The following AR variants were observed in gnomAD, a reference collection of about 807,000 sequenced individuals.
AR encodes androgen receptor, also known as dihydrotestosterone receptor.
A neutral mutation model predicts 53.9 loss-of-function variants in AR; 8 were observed. The observed-to-expected ratio is 0.15, with a 90% confidence interval of 0.09 to 0.27. The LOEUF (loss-of-function observed/expected upper bound fraction) is 0.27. Ranked by LOEUF, AR falls within the 10% of genes least tolerant of loss-of-function variation. The pLI is 1.00. For synonymous variants in AR, 359 were observed against 316.4 expected, an observed-to-expected ratio of 1.13 and a Z score of -1.43; for missense variants, 639 against 742.5, an observed-to-expected ratio of 0.86 and a Z score of 1.62.
rs2076175564 is a variant in AR, at chrX:67,730,544, A to G, written c.*6703A>G. Reference sequence around the variant, plus strand: ...CAGGATCGAGTTATTGTTAACAAAGAGACCCAAGAAAAGCTGCTAATGTCC... The same window carrying G: ...CAGGATCGAGTTATTGTTAACAAAGGGACCCAAGAAAAGCTGCTAATGTCC... On this transcript the variant is annotated 3_prime_UTR_variant, in exon 8 of 8. Coordinates refer to ENST00000374690, the MANE Select transcript of AR (RefSeq NM_000044.6). 1 of 172,203 alleles carries G rather than the reference A, an allele frequency of 5.8e-6. No individual in the cohort carries two copies. Among genetic ancestry groups the G allele is most frequent in the East Asian group, 8.3e-5 (1 of 12,054 alleles). The allele number at this position is 172,203 out of a possible 1,213,427, so 14.2% of individuals were successfully genotyped here.
At chrX:67,715,061 G>A (rs1478669733) in intron 4 of AR, among the ~76,000 whole-genome samples, 1 of 111,430 alleles carries the variant, frequency 9.0e-6, no homozygotes, top group Non-Finnish European at 1.9e-5. Flanking sequence ...TGGACAATTT[G>A]CTTGATACCT....
At chrX:67,665,795 G>A (rs1241365096) in intron 2 of AR, among the ~76,000 whole-genome samples, 1 of 112,075 alleles carries the variant, frequency 8.9e-6, no homozygotes, top group Non-Finnish European at 1.9e-5. Context: ...GGCCCTCACT[G>A]TTCTAGGAAA....
chrX:67,710,173 A>G (rs1335060175), intron 3 of AR, among the ~76,000 whole-genome samples: 1 of 110,974 alleles, frequency 9.0e-6, no homozygotes, highest in African/African-American at 3.3e-5. Flanking sequence ...CTGGGACCCA[A>G]AGAACAAGTC....
intron 1 of AR, among the ~76,000 whole-genome samples, chrX:67,630,803 C>T (rs1925047671): frequency 9.0e-6 from 1 of 110,622 alleles, no homozygotes; most frequent in African/African-American, 3.3e-5. Context: ...ATGTTTAGTG[C>T]TTCCTTCAGG....
chrX:67,594,468 A>G (rs983704062), intron 1 of AR, among the ~76,000 whole-genome samples: 39 of 112,680 alleles, frequency 3.5e-4, no homozygotes, highest in African/African-American at 1.2e-3. Context: ...ATGTTTTAAC[A>G]AAGCAAGCAT....
At chrX:67,621,505 C>T (rs1341802303) in intron 1 of AR, among the ~76,000 whole-genome samples, 1 of 110,686 alleles carries the variant, frequency 9.0e-6, no homozygotes, top group Non-Finnish European at 1.9e-5. Flanking sequence ...GCTATCCCTC[C>T]CTAGTCCCCT....
At chrX:67,619,417 G>A (rs1245350951) in intron 1 of AR, among the ~76,000 whole-genome samples, 1 of 110,754 alleles carries the variant, frequency 9.0e-6, no homozygotes, top group Non-Finnish European at 1.9e-5. Flanking sequence ...TGAGTGGATG[G>A]CAGTGATAGG....
At chrX:67,600,674 G>A (rs780318475) in intron 1 of AR, among the ~76,000 whole-genome samples, 3 of 110,969 alleles carry the variant, frequency 2.7e-5, no homozygotes, top group Non-Finnish European at 5.7e-5. Context: ...TAATTTAATT[G>A]TACATTTTAA....
chrX:67,669,183 A>G (rs1398707899), intron 2 of AR, among the ~76,000 whole-genome samples: 1 of 111,737 alleles, frequency 8.9e-6, no homozygotes, highest in Non-Finnish European at 1.9e-5. Flanking sequence ...ATATTGCTAT[A>G]AACTTTCACC....
At chrX:67,549,283 T>C (rs1176786773) in intron 1 of AR, among the ~76,000 whole-genome samples, 1 of 111,913 alleles carries the variant, frequency 8.9e-6, no homozygotes, top group Non-Finnish European at 1.9e-5. Context: ...AATCTCAAAA[T>C]TGGGCAGGCT....
chrX:67,705,356 C>T (rs1308678219), intron 3 of AR, among the ~76,000 whole-genome samples: 1 of 111,074 alleles, frequency 9.0e-6, no homozygotes, highest in Non-Finnish European at 1.9e-5. Context: ...TGAAGAGGTC[C>T]TTCACGTCCC....
intron 3 of AR, among the ~76,000 whole-genome samples, chrX:67,701,701 C>T (rs1433687881): frequency 9.0e-6 from 1 of 111,405 alleles, no homozygotes; most frequent in Non-Finnish European, 1.9e-5. Context: ...CACACACACA[C>T]ACACACACAT....
chrX:67,610,632 CTTAA>C (rs1183967564), intron 1 of AR, among the ~76,000 whole-genome samples: 1 of 111,314 alleles, frequency 9.0e-6, no homozygotes, highest in Non-Finnish European at 1.9e-5. Flanking sequence ...AATTTTTTCA[CTTAA>C]TTAATAGACC....
At chrX:67,678,869 A>T (rs746149453) in intron 2 of AR, among the ~76,000 whole-genome samples, 1 of 111,791 alleles carries the variant, frequency 8.9e-6, no homozygotes, top group East Asian at 2.8e-4. Flanking sequence ...GTTACCAGGG[A>T]CTGGGAGGCA....
At chrX:67,556,699 T>A (rs756587882) in intron 1 of AR, among the ~76,000 whole-genome samples, 12 of 110,924 alleles carry the variant, frequency 1.1e-4, no homozygotes, top group African/African-American at 3.6e-4. Flanking sequence ...AGATTGATGG[T>A]GAGAGGGAAT....
At chrX:67,608,447 T>C (rs753494235) in intron 1 of AR, among the ~76,000 whole-genome samples, 15 of 112,026 alleles carry the variant, frequency 1.3e-4, no homozygotes, top group Non-Finnish European at 1.5e-4. Context: ...CACGTCATGT[T>C]TTTAAACTTA....
rs1028106852 is a variant in AR, at chrX:67,727,073, G to A, written c.*3232G>A. 4.0e-5 allele frequency: 7 copies of A among 172,913 alleles called. No homozygotes were observed. The highest frequency in any genetic ancestry group is 3.1e-4 in the South Asian group (1 of 3,240). The allele number at this position is 172,913 out of a possible 1,213,427, so 14.2% of individuals were successfully genotyped here. On this transcript the variant is annotated 3_prime_UTR_variant, in exon 8 of 8. Transcript: ENST00000374690. Reference sequence around the variant, plus strand: ...AACTCTGTAGTCAAAGAAAAGAGTCGTGTGGCAGTTTCAGCTCTCGTTCAT... The same window carrying A: ...AACTCTGTAGTCAAAGAAAAGAGTCATGTGGCAGTTTCAGCTCTCGTTCAT...
At chrX:67,627,577 A>G (rs1924755753) in intron 1 of AR, among the ~76,000 whole-genome samples, 1 of 110,773 alleles carries the variant, frequency 9.0e-6, no homozygotes, top group Non-Finnish European at 1.9e-5. Flanking sequence ...CTCATTTTGT[A>G]GGTTGCCTGT....
At chrX:67,652,239 T>C (rs1926378374) in intron 2 of AR, among the ~76,000 whole-genome samples, 1 of 111,877 alleles carries the variant, frequency 8.9e-6, no homozygotes, top group Admixed American at 9.5e-5. Context: ...CTGGGTCAGA[T>C]CATTGTGTGG....
Sources: allele counts gnomAD v4.1 joint callset (sites outside exome capture counted in the v4.1 genomes callset), GRCh38; gene constraint gnomAD v4.1.1; transcripts MANE v1.5; gene names NCBI Gene and HGNC (gene_info 2026-07-23, HGNC 2026-07-21).